DDAH1: variants seen among roughly 807,000 people sequenced by gnomAD.
DDAH1 encodes the protein N(G),N(G)-dimethylarginine dimethylaminohydrolase 1.
Under a neutral mutation model 28.8 loss-of-function variants are expected in DDAH1, and 19 were observed. The ratio of observed to expected loss-of-function variants is 0.66; its 90% confidence interval spans 0.46 to 0.97. DDAH1 has a LOEUF of 0.97. Among genes scored for constraint, DDAH1 ranks in the 50% least tolerant of loss-of-function variants. The pLI is 0.00. For missense variants in DDAH1, 326 were observed against 375.9 expected, an observed-to-expected ratio of 0.87 and a Z score of 1.10; for synonymous variants, 153 against 154.4, an observed-to-expected ratio of 0.99 and a Z score of 0.07.
At chr1:85,450,089 A>G (rs1465963190) in intron 1 of DDAH1, among the ~76,000 whole-genome samples, 1 of 152,208 alleles carries the variant, frequency 6.6e-6, no homozygotes, top group Non-Finnish European at 1.5e-5. Context: ...TCTTATTGAC[A>G]TTTTACAACT....
intron 2 of DDAH1, among the ~76,000 whole-genome samples, chr1:85,471,456 T>C (rs1655619435): frequency 6.6e-6 from 1 of 152,268 alleles, no homozygotes; most frequent in Admixed American, 6.5e-5. Flanking sequence ...CATTGTTACA[T>C]ACATATATGT....
At position 85,531,572 on chromosome 1, in the gene DDAH1, T is replaced by A. The variant is rs551468130; in HGVS notation, c.-122-35291A>T. Among the ~76,000 whole-genome samples the A allele has an allele frequency of 3.8e-3, 580 of 151,208 alleles. 4 individuals are homozygous for A. Among genetic ancestry groups the A allele is most frequent in the Non-Finnish European group, 5.5e-3 (369 of 67,646 alleles). ...TAACATTTCGAATATCTCTCATGTG[T>A]ATTACATTCCTCACAATGAGCCAGG... On this transcript the variant is annotated intron_variant, in intron 1 of 6. Coordinates refer to the DDAH1 transcript ENST00000426972.
chr1:85,577,995 T>C, exon 1 of DDAH1: 2 of 985,446 alleles, frequency 2.0e-6, no homozygotes, highest in Non-Finnish European at 2.4e-6. Flanking sequence ...CATAAACATT[T>C]GCACATTTCG....
At chr1:85,558,567 T>C (rs1659049644) in intron 1 of DDAH1, among the ~76,000 whole-genome samples, 1 of 152,192 alleles carries the variant, frequency 6.6e-6, no homozygotes, top group South Asian at 2.1e-4. Context: ...TTGTGATGGG[T>C]CTCTATGTTT....
chr1:85,415,101 G>A (rs575016061), intron 1 of DDAH1, among the ~76,000 whole-genome samples: 1 of 123,528 alleles, frequency 8.1e-6, no homozygotes, highest in Non-Finnish European at 1.6e-5. Flanking sequence ...TGCAACCTCC[G>A]CCTCCCAAGT....
At chr1:85,433,943 T>C (rs1288614608) in intron 1 of DDAH1, among the ~76,000 whole-genome samples, 1 of 152,212 alleles carries the variant, frequency 6.6e-6, no homozygotes, top group East Asian at 1.9e-4. Context: ...TTATTTATGT[T>C]ACTTAGATCA....
chr1:85,372,119 C>T (rs1489100309), intron 1 of DDAH1, among the ~76,000 whole-genome samples: 2 of 152,054 alleles, frequency 1.3e-5, no homozygotes, highest in Non-Finnish European at 2.9e-5. Flanking sequence ...GTAATTAATT[C>T]TGAGAAGCTG....
intron 1 of DDAH1, among the ~76,000 whole-genome samples, chr1:85,382,578 G>C (rs1449368629): frequency 6.6e-6 from 1 of 152,220 alleles, no homozygotes; most frequent in Non-Finnish European, 1.5e-5. Context: ...GGTTGATGAA[G>C]ATGGTTATAC....
intron 1 of DDAH1, among the ~76,000 whole-genome samples, chr1:85,395,085 A>G (rs1651744607): frequency 6.6e-6 from 1 of 152,194 alleles, no homozygotes; most frequent in South Asian, 2.1e-4. Context: ...TGGGTGAAAA[A>G]AATTATAAAA....
chr1:85,466,419 T>C (rs528261548), upstream of DDAH1, among the ~76,000 whole-genome samples: 25 of 152,236 alleles, frequency 1.6e-4, 1 homozygote, highest in South Asian at 5.2e-3. Flanking sequence ...CGCGGCTAAT[T>C]TGTATTTTTA....
chr1:85,371,107 A>G (rs1650361579), intron 1 of DDAH1, among the ~76,000 whole-genome samples: 1 of 152,186 alleles, frequency 6.6e-6, no homozygotes, highest in South Asian at 2.1e-4. Flanking sequence ...GAAGTTTGGT[A>G]GCTGTTTGCA....
chr1:85,359,633 A>G (rs867442266), intron 1 of DDAH1, among the ~76,000 whole-genome samples: 1 of 152,336 alleles, frequency 6.6e-6, no homozygotes, highest in Non-Finnish European at 1.5e-5. Flanking sequence ...AAATGTCAAA[A>G]CATCCTTTGC....
At chr1:85,459,332 C>A (rs1188983846) in intron 1 of DDAH1, among the ~76,000 whole-genome samples, 2 of 152,170 alleles carry the variant, frequency 1.3e-5, no homozygotes, top group African/African-American at 4.8e-5. Flanking sequence ...GCAGAAAGCT[C>A]ATTTTCAGCT....
At chr1:85,426,666 G>T (rs1289778224) in intron 1 of DDAH1, among the ~76,000 whole-genome samples, 1 of 152,118 alleles carries the variant, frequency 6.6e-6, no homozygotes, top group Non-Finnish European at 1.5e-5. Flanking sequence ...CCAACAGTTT[G>T]GGAGGTCGAG....
chr1:85,461,489 A>T (rs529917851), intron 1 of DDAH1, among the ~76,000 whole-genome samples: 2 of 152,310 alleles, frequency 1.3e-5, no homozygotes, highest in South Asian at 4.1e-4. Flanking sequence ...CAAACAAAAC[A>T]ACAATAACAA....
chr1:85,465,477 C>T (rs1465688897), upstream of DDAH1, among the ~76,000 whole-genome samples: 1 of 152,226 alleles, frequency 6.6e-6, no homozygotes, highest in African/African-American at 2.4e-5. Flanking sequence ...ACTTGGAGAG[C>T]CGGCCTCGGT....
At chr1:85,350,609 A>G in intron 3 of DDAH1, 75 bp from the exon 4 acceptor site, 2 of 1,498,668 alleles carry the variant, frequency 1.3e-6, no homozygotes, top group Non-Finnish European at 1.8e-6. Flanking sequence ...CCTCCCTGAA[A>G]TACACCTACT....
intron 1 of DDAH1, among the ~76,000 whole-genome samples, chr1:85,568,859 G>C (rs776969128): frequency 1.3e-5 from 2 of 152,112 alleles, no homozygotes; most frequent in Non-Finnish European, 2.9e-5. Context: ...CCCAGTGTGG[G>C]GCAGTGTTCA....
At chr1:85,325,010 T>C (rs1647286169) in intron 4 of DDAH1, 127 bp from the exon 5 acceptor site, 2 of 1,057,894 alleles carry the variant, frequency 1.9e-6, no homozygotes, top group South Asian at 2.0e-5. Context: ...CAAATTCCCA[T>C]CTATTACCTC....
Sources: allele counts gnomAD v4.1 joint callset (sites outside exome capture counted in the v4.1 genomes callset), GRCh38; gene constraint gnomAD v4.1.1; transcripts MANE v1.5; gene names NCBI Gene and HGNC (gene_info 2026-07-23, HGNC 2026-07-21).